Variants in SLC35F5 observed in about 807,000 individuals in gnomAD.
SLC35F5 encodes the protein solute carrier family 35 member F5, also known as HCV NS5A-transactivated protein 3.
Under a neutral mutation model 68.6 loss-of-function variants are expected in SLC35F5, and 54 were observed. That is an observed-to-expected ratio of 0.79 (90% CI 0.63 to 0.99). The LOEUF is 0.99. SLC35F5 is among the 50% of genes least tolerant of loss of function. The pLI is 0.00. For synonymous variants in SLC35F5, 211 were observed against 205.2 expected (o/e 1.03, Z -0.24); for missense variants, 567 against 626.9 (o/e 0.90, Z 1.02).
At chr2:113,750,317 T>G (rs934831079) in intron 4 of SLC35F5, 108 bp downstream of exon 4, 129 of 1,112,548 alleles carry the variant, frequency 1.2e-4, no homozygotes, top group Non-Finnish European at 1.5e-4. Flanking sequence ...CTCACTTAAC[T>G]GAACAACTTA....
rs147561344 is a variant in SLC35F5 at position 113,748,456 on chromosome 2, C to T, written c.417+1969G>A. 4.2e-4 allele frequency among the ~76,000 whole-genome samples: 64 copies of T among 152,224 alleles called. 1 individual carries two copies. The East Asian group carries it at 9.3e-3, about 22-fold the overall frequency. On this transcript the variant is annotated intron_variant, in intron 4 of 15. Coordinates refer to ENST00000245680, the MANE Select transcript of SLC35F5 (RefSeq NM_025181.5). ...TGCTGGAATAATAGGCATGAGATAC[C>T]GCACCAGGCCCAATTCCATTTTTGT...
intron 5 of SLC35F5, among the ~76,000 whole-genome samples, chr2:113,745,911 T>G (rs146862912): frequency 9.9e-5 from 15 of 152,262 alleles, no homozygotes; most frequent in African/African-American, 3.4e-4. Context: ...TGTAAAAAAT[T>G]TGTGGAACAA....
At chr2:113,734,746 T>G (rs377371109) in intron 8 of SLC35F5, 73 bp from the exon 9 acceptor site, 1 of 881,796 alleles carries the variant, frequency 1.1e-6, no homozygotes, top group Non-Finnish European at 1.8e-6. Flanking sequence ...CCAACTTCAT[T>G]GTTTAAATAA....
At chr2:113,755,969 T>C in intron 1 of SLC35F5, 2 of 1,548,650 alleles carry the variant, frequency 1.3e-6, no homozygotes, top group Non-Finnish European at 1.7e-6. Flanking sequence ...AGTAAGTGAT[T>C]TGCTGTGGGT....
intron 7 of SLC35F5, among the ~76,000 whole-genome samples, chr2:113,737,438 T>C (rs1457738672): frequency 6.6e-6 from 1 of 152,126 alleles, no homozygotes; most frequent in Non-Finnish European, 1.5e-5. Context: ...ATGGGCAATA[T>C]CAAACATATA....
intron 11 of SLC35F5, among the ~76,000 whole-genome samples, chr2:113,728,340 A>G (rs1687748595): frequency 6.6e-6 from 1 of 152,082 alleles, no homozygotes; most frequent in Non-Finnish European, 1.5e-5. Context: ...CAGTCTCCCT[A>G]TGTTGCCCAG....
intron 5 of SLC35F5, among the ~76,000 whole-genome samples, chr2:113,745,724 TA>T (rs911207216): frequency 6.6e-6 from 1 of 151,978 alleles, no homozygotes; most frequent in African/African-American, 2.4e-5. Context: ...GTGATCATCT[TA>T]AAAAAAGATT....
At chr2:113,719,549 G>A (rs1687341823) in intron 13 of SLC35F5, 2 of 321,100 alleles carry the variant, frequency 6.2e-6, no homozygotes, top group East Asian at 6.4e-5. Flanking sequence ...TAGGCTAAAG[G>A]AAAGCCAAGA....
At chr2:113,753,195 T>TTTTTTTAGG (rs1676827107) in intron 3 of SLC35F5, among the ~76,000 whole-genome samples, 1 of 131,978 alleles carries the variant, frequency 7.6e-6, no homozygotes, top group Non-Finnish European at 1.6e-5. Context: ...TTTTTTTTTT[T>TTTTTTTAGG]GCTAAGGAGT....
At chr2:113,717,637 C>T in intron 15 of SLC35F5, 116 bp downstream of exon 15, 1 of 631,600 alleles carries the variant, frequency 1.6e-6, no homozygotes, top group Admixed American at 3.5e-5. Context: ...AGGCTTTAGC[C>T]CCTTTAGCCT....
chr2:113,755,354 C>T (rs1676931527), intron 2 of SLC35F5, 48 bp from the exon 3 acceptor site: 1 of 1,607,418 alleles, frequency 6.2e-7, no homozygotes, highest in Non-Finnish European at 8.5e-7. Context: ...TTTAGAAAAA[C>T]AACCATTAAA....
In SLC35F5 at chr2:113,756,005, C is replaced by G. The variant is rs79995040; in HGVS notation, c.40+365G>C. The G allele has an allele frequency of 1.2e-4, 180 of 1,516,754 alleles. No homozygotes were observed. The East Asian group carries it at 4.2e-3, about 35-fold the overall frequency. The allele number at this position is 1,516,754 out of a possible 1,614,324, so 94.0% of individuals were successfully genotyped here. Reference sequence around the variant, plus strand: ...CTTGAAGGCACCTTTCCAATCTCTTCAAGTGGTAAAAGAAAAGGATTCTCC... The same window carrying G: ...CTTGAAGGCACCTTTCCAATCTCTTGAAGTGGTAAAAGAAAAGGATTCTCC... On this transcript the variant is annotated intron_variant, in intron 1 of 15. Coordinates refer to ENST00000245680, the MANE Select transcript of SLC35F5 (RefSeq NM_025181.5).
intron 11 of SLC35F5, among the ~76,000 whole-genome samples, chr2:113,726,252 G>C (rs889395479): frequency 6.6e-6 from 1 of 152,030 alleles, no homozygotes; most frequent in Admixed American, 6.6e-5. Context: ...ATTTAATTAG[G>C]TTGCTGGGAA....
At chr2:113,755,759 G>A in intron 1 of SLC35F5, 1 of 1,229,302 alleles carries the variant, frequency 8.1e-7, no homozygotes, top group Non-Finnish European at 1.2e-6. Flanking sequence ...GGGCGGGCAG[G>A]GAGGGGGAGT....
chr2:113,723,198 A>T lies in SLC35F5; in HGVS notation c.1251-4T>A, dbSNP rs2104988181. 6.4e-7 allele frequency: 1 copy of T among 1,565,718 alleles called. No individual in the cohort carries two copies. Among genetic ancestry groups the T allele is most frequent in the Middle Eastern group, 1.9e-4 (1 of 5,200 alleles). On this transcript the variant is annotated splice_polypyrimidine_tract_variant and splice_region_variant and intron_variant, in intron 12 of 15. Coordinates refer to ENST00000245680, the MANE Select transcript of SLC35F5 (RefSeq NM_025181.5). ...TGATGAGGTAAGAAAGCAGCCCCTA[A>T]AAAAAAGAAAATATACATTTCTATA...
At chr2:113,737,464 C>A (rs1004507052) in intron 7 of SLC35F5, among the ~76,000 whole-genome samples, 1 of 152,208 alleles carries the variant, frequency 6.6e-6, no homozygotes, top group African/African-American at 2.4e-5. Flanking sequence ...AGAGAAGCCA[C>A]AATCTGCATG....
intron 3 of SLC35F5, among the ~76,000 whole-genome samples, chr2:113,753,408 T>G (rs1018272419): frequency 6.6e-6 from 1 of 152,004 alleles, no homozygotes; most frequent in African/African-American, 2.4e-5. Flanking sequence ...AACTCCTGAC[T>G]TCAGGTGATC....
chr2:113,756,591 G>T lies in SLC35F5; in HGVS notation c.-182C>A. On this transcript the variant is annotated 5_prime_UTR_variant, in exon 1 of 16. Coordinates refer to ENST00000245680, the MANE Select transcript of SLC35F5 (RefSeq NM_025181.5). The stretch of plus-strand genomic sequence containing the variant: ...CTCGGCCCAGGAGGGCGTGGAGCGG[G>T]TGAGGGGAAGGGACGGCACAGTCAG... 2 of 1,415,540 alleles carry T rather than the reference G, an allele frequency of 1.4e-6. No homozygotes were observed. Among genetic ancestry groups the T allele is most frequent in the African/African-American group, 1.5e-5 (1 of 67,606 alleles). The allele number at this position is 1,415,540 out of a possible 1,614,324, so 87.7% of individuals were successfully genotyped here.
At chr2:113,733,990 A>T (rs539752557) in intron 9 of SLC35F5, among the ~76,000 whole-genome samples, 17 of 152,264 alleles carry the variant, frequency 1.1e-4, no homozygotes, top group Non-Finnish European at 2.4e-4. Context: ...CTTTGATGAC[A>T]CAAATATAAA....
Sources: allele counts gnomAD v4.1 joint callset (sites outside exome capture counted in the v4.1 genomes callset), GRCh38; gene constraint gnomAD v4.1.1; transcripts MANE v1.5; gene names NCBI Gene and HGNC (gene_info 2026-07-23, HGNC 2026-07-21).